Variants in CHN2 observed in about 807,000 individuals in gnomAD.
CHN2 encodes chimerin 2.
Under a neutral mutation model 56.3 loss-of-function variants are expected in CHN2, and 35 were observed. The ratio of observed to expected loss-of-function variants is 0.62; its 90% CI spans 0.47 to 0.82. The LOEUF (loss-of-function observed/expected upper bound fraction) is 0.82, where lower values mean the gene tolerates loss of function less well. CHN2 is among the 40% of genes least tolerant of loss of function. The pLI is 0.00. For synonymous variants in CHN2, 210 were observed against 212.8 expected (o/e 0.99, Z 0.12); for missense variants, 491 against 580.5 (o/e 0.85, Z 1.58).
rs70980529 is a variant in CHN2 at position 29,334,049 on chromosome 7, CTT to C, written c.50-20557_50-20556del. On this transcript the variant is annotated intron_variant, in intron 1 of 12. Transcript: ENST00000222792. ...CCAAATGATAAATTCAATTTCTTTTCTTTTTTTTTTTTTTTTTTTTGAGACTG... is the reference window on the plus strand; with the variant it reads ...CCAAATGATAAATTCAATTTCTTTTCTTTTTTTTTTTTTTTTTTGAGACTG... Among the ~76,000 whole-genome samples the C allele has an allele frequency of 1.8e-3, 219 of 123,096 alleles. 1 individual carries two copies. Among genetic ancestry groups the C allele is most frequent in the East Asian group, 0.015 (67 of 4,406 alleles). The allele number at this position is 123,096 out of a possible 152,430, so 80.8% of individuals were successfully genotyped here. A position where few individuals can be genotyped will look rare whatever the true frequency, so the allele number is the denominator to read the frequency against.
chr7:29,346,088 A>G (rs991365338), intron 1 of CHN2, among the ~76,000 whole-genome samples: 1 of 152,156 alleles, frequency 6.6e-6, no homozygotes, highest in South Asian at 2.1e-4. Context: ...AACCAGCATT[A>G]GCAAGCAAGG....
chr7:29,477,666 C>T (rs544011857), intron 6 of CHN2, among the ~76,000 whole-genome samples: 108 of 152,364 alleles, frequency 7.1e-4, no homozygotes, highest in African/African-American at 2.3e-3. Flanking sequence ...CTTCACTTAA[C>T]GCCTGCCATA....
chr7:29,461,593 A>G (rs1330281660), intron 6 of CHN2, among the ~76,000 whole-genome samples: 1 of 152,246 alleles, frequency 6.6e-6, no homozygotes, highest in Non-Finnish European at 1.5e-5. Flanking sequence ...TTCATGTTTC[A>G]TGTGTGAAGC....
intron 6 of CHN2, among the ~76,000 whole-genome samples, chr7:29,433,366 G>A (rs149987145): frequency 7.7e-4 from 117 of 152,368 alleles, no homozygotes; most frequent in African/African-American, 2.6e-3. Flanking sequence ...GAGTTGGCAA[G>A]AGCCAAGGTC....
intron 6 of CHN2, among the ~76,000 whole-genome samples, chr7:29,437,217 T>A (rs1783292139): frequency 6.6e-6 from 1 of 152,310 alleles, no homozygotes. Flanking sequence ...ACAATAAAGA[T>A]TTAAGAAAAC....
intron 2 of CHN2, chr7:29,181,388 C>T (rs976103812): frequency 2.6e-5 from 4 of 152,078 alleles, no homozygotes; most frequent in Non-Finnish European, 4.4e-5. Flanking sequence ...ATGCCACTGA[C>T]GTGTTCAACT....
intron 1 of CHN2, among the ~76,000 whole-genome samples, chr7:29,215,666 T>C (rs1785282542): frequency 1.3e-5 from 2 of 151,986 alleles, no homozygotes; most frequent in African/African-American, 2.4e-5. Flanking sequence ...TGCTTCTGCT[T>C]GGAAGTTAGG....
intron 2 of CHN2, among the ~76,000 whole-genome samples, chr7:29,357,232 A>C (rs1314221850): frequency 6.6e-5 from 10 of 152,176 alleles, no homozygotes; most frequent in Non-Finnish European, 2.9e-5. Flanking sequence ...TTACTTGCAA[A>C]AGTTCCTCTT....
At chr7:29,433,834 A>G (rs1783020463) in intron 6 of CHN2, among the ~76,000 whole-genome samples, 1 of 144,394 alleles carries the variant, frequency 6.9e-6, no homozygotes, top group African/African-American at 2.8e-5. Context: ...GAAAGACTCC[A>G]TCTAAACAAA....
intron 1 of CHN2, among the ~76,000 whole-genome samples, chr7:29,330,072 CCTACGTCAACAG>C (rs1196856870): frequency 1.3e-5 from 2 of 152,202 alleles, no homozygotes; most frequent in Non-Finnish European, 2.9e-5. Flanking sequence ...TCTCAAAGTA[CCTACGTCAACAG>C]CTGGTCAGGT....
intron 1 of CHN2, among the ~76,000 whole-genome samples, chr7:29,254,354 C>G (rs1239178672): frequency 6.6e-6 from 1 of 152,194 alleles, no homozygotes; most frequent in Non-Finnish European, 1.5e-5. Flanking sequence ...TAATGCTAGT[C>G]TATAAAGCTG....
chr7:29,458,281 A>G (rs1399060169), intron 6 of CHN2, among the ~76,000 whole-genome samples: 1 of 152,028 alleles, frequency 6.6e-6, no homozygotes, highest in Non-Finnish European at 1.5e-5. Context: ...TGCTGACTCC[A>G]TTTGAATCTC....
At chr7:29,200,131 G>A in intron 1 of CHN2, 1 of 152,104 alleles carries the variant, frequency 6.6e-6, no homozygotes, top group South Asian at 2.1e-4. Context: ...TTCCTGTCAA[G>A]GCAAACACAG....
chr7:29,290,643 T>C (rs910434865), intron 1 of CHN2, among the ~76,000 whole-genome samples: 2 of 152,184 alleles, frequency 1.3e-5, no homozygotes, highest in African/African-American at 4.8e-5. Flanking sequence ...ATTACACAAG[T>C]AATAAGATGA....
At chr7:29,381,809 CAAAAAAAA>C (rs60652952) in intron 3 of CHN2, among the ~76,000 whole-genome samples, 7 of 39,512 alleles carry the variant, frequency 1.8e-4, no homozygotes, top group Middle Eastern at 0.021. Context: ...CTAAACTAAG[CAAAAAAAA>C]AAAAAAAAAA....
At chr7:29,216,855 G>A (rs956183688) in intron 1 of CHN2, among the ~76,000 whole-genome samples, 2 of 152,178 alleles carry the variant, frequency 1.3e-5, no homozygotes, top group Non-Finnish European at 2.9e-5. Context: ...TGCATTGTTG[G>A]ATGGATTCAG....
intron 1 of CHN2, among the ~76,000 whole-genome samples, chr7:29,221,126 C>T (rs1194435215): frequency 6.6e-6 from 1 of 152,084 alleles, no homozygotes; most frequent in African/African-American, 2.4e-5. Flanking sequence ...TAACTGCATA[C>T]TTAATGATAA....
At chr7:29,216,370 A>G (rs1044830210) in intron 1 of CHN2, among the ~76,000 whole-genome samples, 4 of 152,338 alleles carry the variant, frequency 2.6e-5, no homozygotes, top group Admixed American at 1.3e-4. Context: ...AAGCTTGCCA[A>G]AAACTGTATC....
chr7:29,468,479 T>G (rs912566757), intron 6 of CHN2, among the ~76,000 whole-genome samples: 1 of 152,066 alleles, frequency 6.6e-6, no homozygotes, highest in African/African-American at 2.4e-5. Flanking sequence ...GGAGTCAGAC[T>G]CTTTATTATG....
Sources: gnomAD v4.1 joint callset for allele counts (sites outside exome capture counted in the v4.1 genomes callset) on GRCh38, gnomAD v4.1.1 for gene constraint, MANE v1.5 for transcripts, NCBI Gene and HGNC (gene_info 2026-07-23, HGNC 2026-07-21) for gene names.